KCNK13: variants seen among roughly 807,000 people sequenced by gnomAD.
The protein encoded by KCNK13 is potassium channel subfamily K member 13.
In KCNK13, 12 loss-of-function variants were observed where a neutral mutation model predicts 23.4. The ratio of observed to expected loss-of-function variants is 0.51; its 90% confidence interval spans 0.33 to 0.83. The LOEUF (loss-of-function observed/expected upper bound fraction) is 0.83. Among genes scored for constraint, KCNK13 ranks in the 40% least tolerant of loss-of-function variants. The probability of loss-of-function intolerance (pLI) is 0.02; values close to 1 mark genes in which losing one functional copy is unlikely to be tolerated. For synonymous variants in KCNK13, 231 were observed against 229.5 expected (o/e 1.01, Z -0.06); for missense variants, 463 against 556.3 (o/e 0.83, Z 1.69).
Position 90,130,968 on chromosome 14 carries a change from C to T in KCNK13, c.335-53143C>T, listed in dbSNP as rs185943369. Among the ~76,000 whole-genome samples the T allele has an allele frequency of 5.9e-4, 90 of 152,198 alleles. No homozygotes were observed. The Middle Eastern group carries it at 0.02, about 35-fold the overall frequency. ...TGATTCCAGCTCCTCTAGAGAAGCC[C>T]GAGTGTGAGAGAGGGCACAAGGTGC... On this transcript the variant is annotated intron_variant, in intron 1 of 1. Coordinates refer to ENST00000282146, the MANE Select transcript of KCNK13 (RefSeq NM_022054.4).
intron 1 of KCNK13, among the ~76,000 whole-genome samples, chr14:90,148,013 A>G (rs367594541): frequency 1.3e-5 from 2 of 152,130 alleles, no homozygotes; most frequent in Non-Finnish European, 2.9e-5. Context: ...TACAAAAAGT[A>G]TTAGCCGAGC....
intron 1 of KCNK13, among the ~76,000 whole-genome samples, chr14:90,092,459 A>G (rs996243476): frequency 6.6e-6 from 1 of 152,222 alleles, no homozygotes; most frequent in Non-Finnish European, 1.5e-5. Flanking sequence ...ACACTTAAAA[A>G]GAAAGAACAA....
At chr14:90,129,747 T>C (rs3861655) in intron 1 of KCNK13, among the ~76,000 whole-genome samples, 173 of 20,368 alleles carry the variant, frequency 8.5e-3, no homozygotes, top group South Asian at 0.024. Context: ...GAAACTTAGA[T>C]AACTGAGACT....
chr14:90,107,623 A>T (rs758992253), intron 1 of KCNK13: 4 of 586,282 alleles, frequency 6.8e-6, no homozygotes, highest in Non-Finnish European at 1.3e-5. Flanking sequence ...CTCAATACTC[A>T]TGCAATACCT....
Position 90,154,830 on chromosome 14 carries a change from T to C in KCNK13, c.335-29281T>C, listed in dbSNP as rs73332332. Reference sequence around the variant, plus strand: ...TAGCTAGCCCTTCCCCTGTGAGATATTGCATTGGCAAATTTAGGTGGGAAT... The same window carrying C: ...TAGCTAGCCCTTCCCCTGTGAGATACTGCATTGGCAAATTTAGGTGGGAAT... On this transcript the variant is annotated intron_variant, in intron 1 of 1. Coordinates refer to ENST00000282146, the MANE Select transcript of KCNK13 (RefSeq NM_022054.4). Among the ~76,000 whole-genome samples, 355 of 152,324 alleles carry C rather than the reference T, an allele frequency of 2.3e-3. 1 individual carries two copies. Among genetic ancestry groups the C allele is most frequent in the African/African-American group, 7.1e-3 (295 of 41,550 alleles).
intron 1 of KCNK13, among the ~76,000 whole-genome samples, chr14:90,139,259 A>C (rs1264005264): frequency 6.6e-6 from 1 of 152,244 alleles, no homozygotes; most frequent in Non-Finnish European, 1.5e-5. Context: ...GGAGCGGGGC[A>C]GGCTACTCTT....
At chr14:90,079,507 C>T (rs1397728556) in intron 1 of KCNK13, among the ~76,000 whole-genome samples, 1 of 152,126 alleles carries the variant, frequency 6.6e-6, no homozygotes, top group Non-Finnish European at 1.5e-5. Context: ...GCCTACACCA[C>T]CCAGGTCTCA....
chr14:90,129,696 C>T (rs961749223), intron 1 of KCNK13, among the ~76,000 whole-genome samples: 4 of 151,996 alleles, frequency 2.6e-5, no homozygotes, highest in Non-Finnish European at 5.9e-5. Flanking sequence ...TTCACCAGCT[C>T]TTAGTATTAT....
chr14:90,144,403 C>G (rs1486847239), intron 1 of KCNK13, among the ~76,000 whole-genome samples: 1 of 151,196 alleles, frequency 6.6e-6, no homozygotes, highest in Non-Finnish European at 1.5e-5. Context: ...CTTTAACAAA[C>G]TTAGTTATTA....
intron 1 of KCNK13, among the ~76,000 whole-genome samples, chr14:90,118,415 A>G (rs533072448): frequency 6.6e-6 from 1 of 152,326 alleles, no homozygotes; most frequent in East Asian, 1.9e-4. Context: ...TTCACAGTGC[A>G]TACCCAAAAT....
At chr14:90,105,001 G>T (rs1889527868) in intron 1 of KCNK13, among the ~76,000 whole-genome samples, 1 of 151,744 alleles carries the variant, frequency 6.6e-6, no homozygotes, top group Non-Finnish European at 1.5e-5. Flanking sequence ...TGTTGGCCAG[G>T]CTGGTCTCAA....
chr14:90,143,193 TCTTTC>T (rs1566644796), intron 1 of KCNK13, among the ~76,000 whole-genome samples: 1 of 129,136 alleles, frequency 7.7e-6, no homozygotes, highest in Admixed American at 7.4e-5. Flanking sequence ...TTCTTTTCTT[TCTTTC>T]TTTTCTTTCT....
chr14:90,070,485 G>A (rs1022422337), intron 1 of KCNK13, among the ~76,000 whole-genome samples: 3 of 152,122 alleles, frequency 2.0e-5, no homozygotes, highest in Admixed American at 6.5e-5. Flanking sequence ...TAAAGATTTC[G>A]ACCCTGTCTA....
At chr14:90,174,804 TGATCACAC>T (rs1194224383) in intron 1 of KCNK13, among the ~76,000 whole-genome samples, 2 of 151,944 alleles carry the variant, frequency 1.3e-5, no homozygotes, top group Non-Finnish European at 2.9e-5. Flanking sequence ...CAGTGAGCCG[TGATCACAC>T]CATTGCACTC....
chr14:90,183,974 C>G, intron 1 of KCNK13, 137 bp from the exon 2 acceptor site: 1 of 759,280 alleles, frequency 1.3e-6, no homozygotes, highest in South Asian at 1.9e-5. Context: ...AATTCTCCTG[C>G]TCATTCCTAG....
chr14:90,095,972 T>G (rs1889405655), intron 1 of KCNK13, among the ~76,000 whole-genome samples: 1 of 152,122 alleles, frequency 6.6e-6, no homozygotes, highest in East Asian at 1.9e-4. Context: ...GGGAAACACT[T>G]AGGTTTACTG....
At chr14:90,125,885 G>A (rs551078022) in intron 1 of KCNK13, among the ~76,000 whole-genome samples, 27 of 152,072 alleles carry the variant, frequency 1.8e-4, no homozygotes, top group East Asian at 9.7e-4. Context: ...TTAGCTGGGC[G>A]TGGTGGAATG....
chr14:90,107,483 A>AAT (rs1040502946), intron 1 of KCNK13, among the ~76,000 whole-genome samples: 6 of 151,994 alleles, frequency 3.9e-5, no homozygotes, highest in East Asian at 1.9e-4. Context: ...GTCTCAAAAA[A>AAT]ATATATATAT....
At chr14:90,137,024 A>C (rs1286382776) in intron 1 of KCNK13, among the ~76,000 whole-genome samples, 2 of 149,620 alleles carry the variant, frequency 1.3e-5, no homozygotes, top group Non-Finnish European at 3.0e-5. Flanking sequence ...AGTTTCTAGA[A>C]GGAATTACCC....
Sources: gnomAD v4.1 joint callset for allele counts (sites outside exome capture counted in the v4.1 genomes callset) on GRCh38, gnomAD v4.1.1 for gene constraint, MANE v1.5 for transcripts, NCBI Gene and HGNC (gene_info 2026-07-23, HGNC 2026-07-21) for gene names.